The following ANK2 variants were observed in gnomAD, a reference collection of about 807,000 sequenced individuals.
ANK2 encodes ankyrin 2.
In ANK2, 83 loss-of-function variants were observed where a neutral mutation model predicts 360.5. The ratio of observed to expected loss-of-function variants is 0.23; its 90% CI spans 0.19 to 0.28. The LOEUF is 0.28. Among genes scored for constraint, ANK2 ranks in the 10% least tolerant of loss-of-function variants. ANK2 has a pLI of 1.00. For synonymous variants in ANK2, 1,740 were observed against 1,759.5 expected, an observed-to-expected ratio of 0.99 and a Z score of 0.28; for missense variants, 4,201 against 4,795.7, an observed-to-expected ratio of 0.88 and a Z score of 3.66.
At chr4:113,095,030 G>T (rs150747724) in intron 1 of ANK2, among the ~76,000 whole-genome samples, 5 of 152,196 alleles carry the variant, frequency 3.3e-5, no homozygotes, top group Admixed American at 3.3e-4. Flanking sequence ...AGAGCAATTT[G>T]CACATCAGCT....
At chr4:113,075,921 G>A (rs780322797) in intron 1 of ANK2, among the ~76,000 whole-genome samples, 1 of 152,102 alleles carries the variant, frequency 6.6e-6, no homozygotes, top group Admixed American at 6.6e-5. Context: ...ACTTTAGTGT[G>A]CGATAGAATA....
chr4:113,304,145 A>G (rs1380387555), intron 23 of ANK2, among the ~76,000 whole-genome samples: 1 of 152,208 alleles, frequency 6.6e-6, no homozygotes, highest in Non-Finnish European at 1.5e-5. Context: ...CTTGCCAACT[A>G]GTTCTCAGCA....
chr4:113,195,260 G>T (rs956892825), intron 2 of ANK2, among the ~76,000 whole-genome samples: 1 of 151,962 alleles, frequency 6.6e-6, no homozygotes, highest in African/African-American at 2.4e-5. Context: ...AATTAACAAT[G>T]AAATATTATT....
intron 2 of ANK2, among the ~76,000 whole-genome samples, chr4:112,986,549 CAG>C (rs1475774409): frequency 5.9e-5 from 9 of 152,260 alleles, no homozygotes; most frequent in African/African-American, 1.7e-4. Context: ...GCTTTTGACT[CAG>C]GGGAAGAATC....
At chr4:112,834,125 TAC>T (rs1424638561) in intron 1 of ANK2, among the ~76,000 whole-genome samples, 1 of 152,218 alleles carries the variant, frequency 6.6e-6, no homozygotes, top group East Asian at 1.9e-4. Context: ...AGTTCAGACA[TAC>T]ACACAACTAG....
intron 17 of ANK2, among the ~76,000 whole-genome samples, chr4:113,279,927 G>A (rs1181885768): frequency 1.3e-5 from 2 of 151,874 alleles, no homozygotes; most frequent in East Asian, 1.9e-4. Flanking sequence ...TAGATTATAA[G>A]CTACTAGAGG....
At chr4:112,730,252 C>CAAAA in the ANK2 span, among the ~76,000 whole-genome samples, 1 of 50,902 alleles carries the variant, frequency 2.0e-5, no homozygotes, top group Non-Finnish European at 3.3e-5. Context: ...GACTCTGTCT[C>CAAAA]AAAAAAAAAA....
intron 2 of ANK2, among the ~76,000 whole-genome samples, chr4:113,192,349 G>GCA (rs1050648993): frequency 5.5e-5 from 8 of 146,216 alleles, no homozygotes; most frequent in African/African-American, 1.8e-4. Flanking sequence ...GCCTGCATGT[G>GCA]CACACACACA....
chr4:112,945,177 G>A (rs1330379600), intron 2 of ANK2, among the ~76,000 whole-genome samples: 2 of 152,156 alleles, frequency 1.3e-5, no homozygotes, highest in African/African-American at 2.4e-5. Context: ...TGCCTGGCCT[G>A]GCAGTAGGAA....
rs2153958944 is a variant in ANK2, at chr4:113,335,995, C to T, written c.3529C>T (p.Pro1177Ser). Reference sequence around the variant, plus strand: ...AGGTGTACTGAGCAGCACAGTGGTGCCCCAGGTGCAGGCCGTCTTCCCAGA... The same window carrying T: ...AGGTGTACTGAGCAGCACAGTGGTGTCCCAGGTGCAGGCCGTCTTCCCAGA... The part of the protein sequence containing the change: ...EGGVLSSTVV[P>S]QVQAVFPEGA... The change falls in exon 30 of 46, where the codon CCC (proline) becomes TCC (serine). Residue 1177 changes from proline to serine, a missense_variant. Pro to Ser is a moderately conservative substitution (Grantham distance 74). Around this residue, in one of 4 missense-constraint regions of ANK2, gnomAD observed 1,268 missense variants for 1,650.8 expected, o/e 0.77. Coordinates refer to ENST00000357077, the MANE Select transcript of ANK2 (RefSeq NM_001148.6). The T allele has an allele frequency of 6.2e-7, 1 of 1,614,146 alleles. No individual in the cohort carries two copies. Among genetic ancestry groups the T allele is most frequent in the Non-Finnish European group, 8.5e-7 (1 of 1,180,030 alleles).
At position 113,357,919 on chromosome 4, in the gene ANK2, T is replaced by C; in HGVS notation, c.9301T>C (p.Phe3101Leu). Residue 3101 changes from phenylalanine (F) to leucine (L), a missense_variant, in exon 38 of 46, where the codon TTT becomes CTT. Phe to Leu is a conservative substitution (Grantham distance 22, BLOSUM62 0). Coordinates refer to ENST00000357077, the MANE Select transcript of ANK2 (RefSeq NM_001148.6). ...GACCCCAACAAGTGAGCAAAACCCA[T>C]TTCTGTTTCAGGAAGGAAAATTGTT... ...EGTPTSEQNP[F>L]LFQEGKLFEM... The C allele has an allele frequency of 6.2e-7, 1 of 1,614,026 alleles. No homozygotes were observed. Among genetic ancestry groups the C allele is most frequent in the Non-Finnish European group, 8.5e-7 (1 of 1,179,954 alleles).
At chr4:112,870,644 A>C (rs1291452314) in intron 1 of ANK2, among the ~76,000 whole-genome samples, 4 of 152,212 alleles carry the variant, frequency 2.6e-5, no homozygotes, top group Non-Finnish European at 4.4e-5. Flanking sequence ...TCTGGACACT[A>C]TTCCACTTAT....
chr4:113,348,395 C>T lies in ANK2; in HGVS notation c.4404+87C>T, dbSNP rs535508461. 76 of 1,418,198 alleles carry T rather than the reference C, an allele frequency of 5.4e-5. No individual in the cohort carries two copies. The East Asian group carries it at 1.3e-3, about 23-fold the overall frequency. The allele number at this position is 1,418,198 out of a possible 1,614,324, so 87.9% of individuals were successfully genotyped here. ...CACATAGTTAACCTGTGTTCTTAGACGGGGTAGGCGGTTCTTCTTAGTAAT... is the reference window on the plus strand; with the variant it reads ...CACATAGTTAACCTGTGTTCTTAGATGGGGTAGGCGGTTCTTCTTAGTAAT... On this transcript the variant is annotated intron_variant, in intron 36 of 45. Coordinates refer to ENST00000357077, the MANE Select transcript of ANK2 (RefSeq NM_001148.6).
At chr4:113,141,112 T>A (rs2096620852) in intron 1 of ANK2, 1 of 152,226 alleles carries the variant, frequency 6.6e-6, no homozygotes, top group Non-Finnish European at 1.5e-5. Context: ...AGTAAGAATG[T>A]TTCCAGGCGA....
intron 1 of ANK2, among the ~76,000 whole-genome samples, chr4:112,833,840 C>G (rs543573816): frequency 6.6e-6 from 1 of 152,154 alleles, no homozygotes; most frequent in South Asian, 2.1e-4. Flanking sequence ...ATAGACTGTC[C>G]CAAATTCAAA....
Position 113,255,645 on chromosome 4 carries a change from T to C in ANK2, c.991-90T>C, listed in dbSNP as rs2048903407. 1.1e-5 allele frequency: 15 copies of C among 1,356,808 alleles called. 1 individual carries two copies. The South Asian group carries it at 1.8e-4, about 16-fold the overall frequency. The allele number at this position is 1,356,808 out of a possible 1,614,324, so 84.0% of individuals were successfully genotyped here. ...TTTTTTCCCCTGCCACTAACTGTGT[T>C]AGAGATCAAGAATCAACTTTGCTGT... On this transcript the variant is annotated intron_variant, in intron 10 of 45. Coordinates refer to ENST00000357077, the MANE Select transcript of ANK2 (RefSeq NM_001148.6).
chr4:112,993,046 A>G (rs901897001), intron 2 of ANK2, among the ~76,000 whole-genome samples: 5 of 151,756 alleles, frequency 3.3e-5, no homozygotes, highest in African/African-American at 1.2e-4. Context: ...ACTTCAGGAG[A>G]TTGAGGCGGG....
chr4:112,966,637 T>G (rs989826660), intron 2 of ANK2, among the ~76,000 whole-genome samples: 1 of 152,126 alleles, frequency 6.6e-6, no homozygotes, highest in Non-Finnish European at 1.5e-5. Context: ...AACATTTTTG[T>G]ACCTAGAATA....
intron 21 of ANK2, chr4:113,293,223 G>C (rs2153746160): frequency 2.9e-6 from 2 of 679,144 alleles, no homozygotes; most frequent in South Asian, 1.5e-5. Flanking sequence ...AGAGCAAGCA[G>C]ATGCAAGCTT....
Sources: gnomAD v4.1 joint callset for allele counts (sites outside exome capture counted in the v4.1 genomes callset) on GRCh38, gnomAD v4.1.1 for gene constraint, gnomAD v4.1.1 regional missense constraint, MANE v1.5 for transcripts, NCBI Gene and HGNC (gene_info 2026-07-23, HGNC 2026-07-21) for gene names.